The following IL1RAPL2 variants were observed in gnomAD, a reference collection of about 807,000 sequenced individuals.
IL1RAPL2 encodes interleukin 1 receptor accessory protein like 2.
A neutral mutation model predicts 44.1 loss-of-function variants in IL1RAPL2; 3 were observed. The ratio of observed to expected loss-of-function variants is 0.07; its 90% CI spans 0.03 to 0.18. IL1RAPL2 has a LOEUF of 0.18. Among genes scored for constraint, IL1RAPL2 ranks in the 10% least tolerant of loss-of-function variants. IL1RAPL2 has a pLI of 1.00. For synonymous variants in IL1RAPL2, 181 were observed against 178.8 expected, an observed-to-expected ratio of 1.01 and a Z score of -0.10; for missense variants, 391 against 496.4, an observed-to-expected ratio of 0.79 and a Z score of 2.02.
At chrX:105,276,267 G>A (rs1363249669) in intron 5 of IL1RAPL2, among the ~76,000 whole-genome samples, 2 of 111,849 alleles carry the variant, frequency 1.8e-5, no homozygotes, top group Admixed American at 9.5e-5. Context: ...AATTAGCCAG[G>A]CGTGGTGGCG....
intron 6 of IL1RAPL2, among the ~76,000 whole-genome samples, chrX:105,540,309 G>A (rs1033274831): frequency 2.4e-4 from 27 of 111,608 alleles, no homozygotes; most frequent in Middle Eastern, 4.6e-3. Flanking sequence ...ACAGTGGATC[G>A]AATAAATAAA....
At chrX:105,536,075 G>C (rs751148200) in intron 6 of IL1RAPL2, among the ~76,000 whole-genome samples, 1 of 110,919 alleles carries the variant, frequency 9.0e-6, no homozygotes, top group South Asian at 3.8e-4. Context: ...ATATAGTTCT[G>C]ATAAGAACTT....
At chrX:104,607,611 A>T (rs1372171469) in intron 1 of IL1RAPL2, among the ~76,000 whole-genome samples, 2 of 112,546 alleles carry the variant, frequency 1.8e-5, no homozygotes, top group African/African-American at 6.5e-5. Context: ...ACATTTATGC[A>T]GCCAACAAAC....
intron 2 of IL1RAPL2, among the ~76,000 whole-genome samples, chrX:105,162,982 C>T (rs1053671036): frequency 2.2e-4 from 25 of 111,434 alleles, no homozygotes; most frequent in African/African-American, 7.8e-4. Context: ...GAGACGCAAA[C>T]ATTCAAACCA....
At chrX:105,368,759 T>C (rs1413102665) in intron 5 of IL1RAPL2, among the ~76,000 whole-genome samples, 1 of 111,634 alleles carries the variant, frequency 9.0e-6, no homozygotes, top group Non-Finnish European at 1.9e-5. Flanking sequence ...TCTGCCATGA[T>C]TTCTTTGAAT....
intron 4 of IL1RAPL2, among the ~76,000 whole-genome samples, chrX:105,251,665 T>G (rs1273516206): frequency 9.2e-6 from 1 of 109,190 alleles, no homozygotes; most frequent in Admixed American, 9.9e-5. Context: ...TAAGAAGCAC[T>G]GGGCTCCATG....
intron 2 of IL1RAPL2, among the ~76,000 whole-genome samples, chrX:104,668,450 A>G (rs1488027308): frequency 9.8e-6 from 1 of 101,786 alleles, no homozygotes; most frequent in Non-Finnish European, 2.0e-5. Context: ...AGCATTAGGT[A>G]TATCTCCTAA....
chrX:105,243,360 C>T (rs1462394829), intron 4 of IL1RAPL2, among the ~76,000 whole-genome samples: 15 of 108,844 alleles, frequency 1.4e-4, no homozygotes, highest in African/African-American at 4.0e-4. Flanking sequence ...CATCTTCTGC[C>T]GTGATTATAA....
At chrX:105,243,367 A>G (rs1185440297) in intron 4 of IL1RAPL2, among the ~76,000 whole-genome samples, 1 of 109,056 alleles carries the variant, frequency 9.2e-6, no homozygotes, top group Non-Finnish European at 1.9e-5. Context: ...TGCCGTGATT[A>G]TAAGTTTCCT....
intron 6 of IL1RAPL2, among the ~76,000 whole-genome samples, chrX:105,529,676 C>T (rs764801424): frequency 1.3e-4 from 15 of 111,900 alleles, no homozygotes; most frequent in Non-Finnish European, 2.1e-4. Context: ...TACCATCCAT[C>T]TCTAGAATTT....
In IL1RAPL2 at chrX:104,847,585, G is replaced by A. The variant is rs769276753; in HGVS notation, c.82+188590G>A. Among the ~76,000 whole-genome samples the A allele has an allele frequency of 2.1e-4, 23 of 111,757 alleles. No homozygotes were observed. The East Asian group carries it at 5.6e-3, about 27-fold the overall frequency. On this transcript the variant is annotated intron_variant, in intron 2 of 10. Coordinates refer to ENST00000372582, the MANE Select transcript of IL1RAPL2 (RefSeq NM_017416.2). The stretch of plus-strand genomic sequence containing the variant: ...TTTGGTACCAGTACCATGCTGTTTT[G>A]GTTACTGTAGCCTTGTAGTATAGCT...
chrX:105,359,272 TG>T (rs1350059447), intron 5 of IL1RAPL2, among the ~76,000 whole-genome samples: 4 of 111,384 alleles, frequency 3.6e-5, no homozygotes, highest in Non-Finnish European at 7.5e-5. Flanking sequence ...TTTAAGTAGA[TG>T]TAGAGGAGAA....
rs756616918 is a variant in IL1RAPL2, at chrX:105,024,925, ATT to A, written c.83-170539_83-170538del. Among the ~76,000 whole-genome samples the A allele has an allele frequency of 4.9e-5, 5 of 101,557 alleles. 1 individual carries two copies. Among genetic ancestry groups the A allele is most frequent in the African/African-American group, 1.8e-4 (5 of 28,281 alleles). 88.2% of individuals were successfully genotyped at this position (101,557 alleles called of 115,157 possible). On this transcript the variant is annotated intron_variant, in intron 2 of 10. Transcript: ENST00000372582. ...CAATTTTCTTTTGTTTTCTTGATTA[ATT>A]TTTTTTTTTTGGATAGAAATACATT...
intron 5 of IL1RAPL2, among the ~76,000 whole-genome samples, chrX:105,351,951 T>C (rs1335201571): frequency 1.8e-5 from 2 of 111,660 alleles, no homozygotes; most frequent in African/African-American, 6.5e-5. Flanking sequence ...TTTATTTTTA[T>C]TTTTTATTTT....
At chrX:104,797,351 C>T (rs1164936058) in intron 2 of IL1RAPL2, among the ~76,000 whole-genome samples, 1 of 110,336 alleles carries the variant, frequency 9.1e-6, no homozygotes, top group Admixed American at 9.7e-5. Flanking sequence ...CTCTGTGCTA[C>T]TGAAAGAATG....
At chrX:105,408,851 C>T (rs2035670228) in intron 5 of IL1RAPL2, among the ~76,000 whole-genome samples, 1 of 93,876 alleles carries the variant, frequency 1.1e-5, no homozygotes, top group Non-Finnish European at 2.1e-5. Flanking sequence ...CTAATGTATA[C>T]AGCATTAATA....
At position 105,620,579 on chromosome X, in the gene IL1RAPL2, G is replaced by A. The variant is rs57773260; in HGVS notation, c.773-96788G>A. Among the ~76,000 whole-genome samples the A allele has an allele frequency of 1.1e-3, 121 of 110,118 alleles. 2 individuals carry two copies. In the East Asian group the frequency reaches 0.021, roughly 19 times the overall value. ...TAACTTAGCCAAAATCTTATAGCTC[G>A]TGAGTGACAGAGTGGGGTTTCAAAT... On this transcript the variant is annotated intron_variant, in intron 6 of 10. Transcript: ENST00000372582.
At chrX:105,086,485 T>C (rs1159579914) in intron 2 of IL1RAPL2, among the ~76,000 whole-genome samples, 1 of 110,563 alleles carries the variant, frequency 9.0e-6, no homozygotes, top group African/African-American at 3.3e-5. Flanking sequence ...GAATGGGAAA[T>C]GGGGAGATGT....
intron 2 of IL1RAPL2, among the ~76,000 whole-genome samples, chrX:105,006,112 T>C (rs2030937460): frequency 9.0e-6 from 1 of 110,895 alleles, no homozygotes; most frequent in Non-Finnish European, 1.9e-5. Context: ...TTTAATGAGA[T>C]TATATGATGT....
Sources: allele counts gnomAD v4.1 joint callset (sites outside exome capture counted in the v4.1 genomes callset), GRCh38; gene constraint gnomAD v4.1.1; transcripts MANE v1.5; gene names NCBI Gene and HGNC (gene_info 2026-07-23, HGNC 2026-07-21).